Variants in SLC5A9 observed in about 807,000 individuals in gnomAD.
The protein encoded by SLC5A9 is sodium/glucose cotransporter 4.
SLC5A9 carries 59 observed loss-of-function variants against 70.9 expected under a neutral mutation model. The observed-to-expected ratio is 0.83, with a 90% CI of 0.68 to 1.03. The LOEUF (loss-of-function observed/expected upper bound fraction) is 1.03, where lower values mean the gene tolerates loss of function less well. Ranked by LOEUF, SLC5A9 falls within the 50% of genes least tolerant of loss-of-function variation. The pLI, the probability that SLC5A9 is intolerant of heterozygous loss-of-function variation, is 0.00. For missense variants in SLC5A9, 832 were observed against 881.1 expected (o/e 0.94, Z 0.71); for synonymous variants, 340 against 346.5 (o/e 0.98, Z 0.21).
At chr1:48,235,636 C>T in intron 9 of SLC5A9, 93 bp from the exon 10 acceptor site, 1 of 1,490,890 alleles carries the variant, frequency 6.7e-7, no homozygotes, top group Non-Finnish European at 9.2e-7. Context: ...ACCCCCAGCT[C>T]CTGACTCTAC....
In SLC5A9 at chr1:48,237,755, T is replaced by A. The variant is rs777032942; in HGVS notation, c.1369T>A (p.Phe457Ile). ...CCAAAGCTCCAACAGTGGGCAGCTC[T>A]TCGACTACATCCAGGCTGTCACCAG... Reference protein sequence around the residue: ...IIQSSNSGQLFDYIQAVTSYL... With the variant: ...IIQSSNSGQLIDYIQAVTSYL... Residue 457 changes from phenylalanine (F) to isoleucine (I), a missense_variant, in exon 11 of 14, where the codon TTC becomes ATC. By Grantham distance (21) the Phe-to-Ile change is conservative. Coordinates refer to ENST00000438567, the MANE Select transcript of SLC5A9 (RefSeq NM_001011547.3). The A allele has an allele frequency of 1.2e-6, 2 of 1,614,014 alleles. No homozygotes were observed. Among genetic ancestry groups the A allele is most frequent in the African/African-American group, 2.7e-5 (2 of 74,892 alleles).
At position 48,239,573 on chromosome 1, in the gene SLC5A9, T is replaced by G; in HGVS notation, c.1677+36T>G. The G allele has an allele frequency of 1.3e-6, 2 of 1,582,124 alleles. No individual in the cohort carries two copies. Among genetic ancestry groups the G allele is most frequent in the East Asian group, 2.2e-5 (1 of 44,708 alleles). On this transcript the variant is annotated intron_variant, in intron 12 of 13. Coordinates refer to ENST00000438567, the MANE Select transcript of SLC5A9 (RefSeq NM_001011547.3). This position sits in a 1 kb window ranked among gnomAD's most constrained non-coding sequence, Gnocchi z 4.2. ...TGCTCATACTGAGGCCCTCCAGAAA[T>G]GCTCTCCCTTCCCCCATAGCCTAGA...
intron 13 of SLC5A9, among the ~76,000 whole-genome samples, chr1:48,243,188 T>C (rs1644412461): frequency 6.6e-6 from 1 of 152,104 alleles, no homozygotes; most frequent in Non-Finnish European, 1.5e-5. Context: ...TTCTTTATTA[T>C]TTATTTATCT....
At chr1:48,235,040 G>A (rs1253903667) in intron 9 of SLC5A9, among the ~76,000 whole-genome samples, 1 of 152,146 alleles carries the variant, frequency 6.6e-6, no homozygotes, top group Non-Finnish European at 1.5e-5. Flanking sequence ...GGTGGCACCA[G>A]GGCTGGGATC....
chr1:48,235,840 G>T lies in SLC5A9; in HGVS notation c.1253G>T (p.Arg418Leu). The T allele has an allele frequency of 1.9e-6, 3 of 1,614,172 alleles. No homozygotes were observed. The highest frequency in any genetic ancestry group is 2.5e-6 in the Non-Finnish European group (3 of 1,180,036). Residue 418 changes from arginine to leucine, a missense_variant, in exon 10 of 14, where the codon CGC (arginine) becomes CTC (leucine). Arg to Leu is a moderately radical substitution (Grantham distance 102). Transcript: ENST00000438567. The stretch of plus-strand genomic sequence containing the variant: ...ACCATTGATGTGTGGCAGCGCTTCC[G>T]CAGGAAGTCAACAGAGCAGGAGCTG... Reference protein sequence around the residue: ...LFTIDVWQRFRRKSTEQELMV... With the variant: ...LFTIDVWQRFLRKSTEQELMV...
intron 1 of SLC5A9, 101 bp from the exon 2 acceptor site, chr1:48,224,623 C>T: frequency 8.4e-7 from 1 of 1,185,318 alleles, no homozygotes; most frequent in Non-Finnish European, 1.3e-6. Flanking sequence ...CTCTGTGTCC[C>T]CACAGTGCCT....
intron 13 of SLC5A9, among the ~76,000 whole-genome samples, chr1:48,244,852 CTGTG>C (rs1198674396): frequency 5.7e-4 from 4 of 6,994 alleles, no homozygotes; most frequent in Non-Finnish European, 6.7e-4. Context: ...TATATAAAAC[CTGTG>C]TGTGTGTATG....
intron 2 of SLC5A9, 193 bp from the exon 3 acceptor site, chr1:48,228,657 C>T (rs1000339502): frequency 2.0e-5 from 18 of 880,384 alleles, no homozygotes; most frequent in Non-Finnish European, 2.8e-5. Flanking sequence ...TACATTAGTT[C>T]CTTCCTCTGT....
At chr1:48,230,916 A>C (rs1408151461) in intron 5 of SLC5A9, among the ~76,000 whole-genome samples, 3 of 152,226 alleles carry the variant, frequency 2.0e-5, no homozygotes, top group African/African-American at 7.2e-5. Context: ...ACACAGGGAC[A>C]GAGACCAGGG....
intron 10 of SLC5A9, among the ~76,000 whole-genome samples, chr1:48,236,081 A>G (rs1644323032): frequency 6.6e-6 from 1 of 152,016 alleles, no homozygotes; most frequent in African/African-American, 2.4e-5. Context: ...AGGAAAAAAC[A>G]CCTCTTCCCT....
At chr1:48,229,125 G>A (rs770985948) in intron 3 of SLC5A9, 170 bp from the exon 4 acceptor site, 2 of 1,613,934 alleles carry the variant, frequency 1.2e-6, no homozygotes, top group Non-Finnish European at 1.7e-6. Context: ...AGGTCTGGAG[G>A]AGACAGAGGG....
chr1:48,245,953 C>A (rs1467233047), intron 13 of SLC5A9, among the ~76,000 whole-genome samples: 1 of 150,990 alleles, frequency 6.6e-6, no homozygotes, highest in East Asian at 1.9e-4. Context: ...AGAGTGAGAC[C>A]CTGTCTCAAA....
intron 8 of SLC5A9, 129 bp downstream of exon 8, chr1:48,232,631 C>A: frequency 1.7e-6 from 2 of 1,203,958 alleles, no homozygotes; most frequent in East Asian, 2.4e-5. Flanking sequence ...ATTAAGAATA[C>A]ATAGCCGGTC....
At position 48,239,378 on chromosome 1, in the gene SLC5A9, G is replaced by A. The variant is rs769621390; in HGVS notation, c.1518G>A (p.Leu506=). 2.6e-5 allele frequency: 42 copies of A among 1,614,126 alleles called. No individual in the cohort carries two copies. The East Asian group carries it at 9.1e-4, about 35-fold the overall frequency. ...GAGTGGGGCTTCTGCGTATGATCCTGGAGTTCTCATACCCAGCGCCAGCCT... is the reference window on the plus strand; with the variant it reads ...GAGTGGGGCTTCTGCGTATGATCCTAGAGTTCTCATACCCAGCGCCAGCCT... The part of the protein sequence containing the change: ...GLGVGLLRMI[L]EFSYPAPACG... Residue 506 remains leucine (L), a synonymous_variant, in exon 12 of 14, where the codon CTG becomes CTA. Transcript: ENST00000438567. This position sits in a 1 kb window ranked among gnomAD's most constrained non-coding sequence, Gnocchi z 4.2.
chr1:48,222,884 G>A lies in SLC5A9; in HGVS notation c.148G>A (p.Ala50Thr). 1 of 1,614,050 alleles carries A rather than the reference G, an allele frequency of 6.2e-7. No homozygotes were observed. The highest frequency in any genetic ancestry group is 1.3e-5 in the African/African-American group (1 of 75,018). ...GGTCATCTACTTTGTCTTCGTCATT[G>A]CTGTGGGGATCTGGGTAAGTGGGCC... ...VVVIYFVFVIAVGIWSSIRAS... is the reference protein window; with the variant it reads ...VVVIYFVFVITVGIWSSIRAS... Residue 50 changes from alanine (A) to threonine (T), a missense_variant, in exon 1 of 14, where the codon GCT becomes ACT. Ala to Thr is a moderately conservative substitution (Grantham distance 58). Transcript: ENST00000438567.
At chr1:48,232,651 T>G in intron 8 of SLC5A9, 149 bp downstream of exon 8, 1 of 1,061,732 alleles carries the variant, frequency 9.4e-7, no homozygotes, top group Non-Finnish European at 1.3e-6. Context: ...CATGGTGGCA[T>G]GCACCCATAG....
At chr1:48,227,406 G>A (rs1252363533) in intron 2 of SLC5A9, among the ~76,000 whole-genome samples, 1 of 141,218 alleles carries the variant, frequency 7.1e-6, no homozygotes, top group African/African-American at 2.6e-5. Context: ...CTGTGCCTGT[G>A]TGGGCGTGAG....
intron 2 of SLC5A9, 86 bp from the exon 3 acceptor site, chr1:48,228,764 T>G: frequency 6.4e-7 from 1 of 1,573,344 alleles, no homozygotes; most frequent in South Asian, 1.1e-5. Context: ...CCAACAAATA[T>G]CAGCTCCTCA....
intron 12 of SLC5A9, chr1:48,240,362 C>T (rs1263044212): frequency 1.3e-5 from 2 of 152,164 alleles, no homozygotes; most frequent in African/African-American, 4.8e-5. Flanking sequence ...TCTGTAAAGA[C>T]CCCATCTCCA....
Sources: allele counts gnomAD v4.1 joint callset (sites outside exome capture counted in the v4.1 genomes callset), GRCh38; gene constraint gnomAD v4.1.1; non-coding constraint Gnocchi (gnomAD v3.1); transcripts MANE v1.5; gene names NCBI Gene and HGNC (gene_info 2026-07-23, HGNC 2026-07-21).